The following LARP4B variants were observed in gnomAD, a reference collection of about 807,000 sequenced individuals.
LARP4B encodes the protein la-related protein 4B.
A neutral mutation model predicts 89.8 loss-of-function variants in LARP4B; 12 were observed. The observed-to-expected ratio is 0.13, with a 90% CI of 0.09 to 0.22. The LOEUF is 0.22. LARP4B is among the 10% of genes least tolerant of loss of function. LARP4B has a pLI of 1.00. For synonymous variants in LARP4B, 367 were observed against 363.3 expected, an observed-to-expected ratio of 1.01 and a Z score of -0.12; for missense variants, 757 against 947.7, an observed-to-expected ratio of 0.80 and a Z score of 2.64.
chr10:870,742 C>G (rs931773249), intron 3 of LARP4B, among the ~76,000 whole-genome samples: 33 of 152,298 alleles, frequency 2.2e-4, no homozygotes, highest in African/African-American at 7.7e-4. Context: ...TTGGTTTACT[C>G]AACCCTGATG....
Position 862,774 on chromosome 10 carries a change from A to G in LARP4B, c.430+969T>C, listed in dbSNP as rs80195775. On this transcript the variant is annotated intron_variant, in intron 5 of 17. Transcript: ENST00000316157. ...CTCCGTCTCAAAAAAAAAAAATGAA[A>G]ACATGAAAAAGTTCCTGCATTTCCA... is the stretch of plus-strand genomic sequence containing the variant. Among the ~76,000 whole-genome samples the G allele has an allele frequency of 3.9e-3, 600 of 152,156 alleles. 7 individuals carry two copies. The highest frequency in any genetic ancestry group is 0.013 in the African/African-American group (550 of 41,500).
chr10:855,796 A>AAGCACAATGAAGAGT (rs1261876747), intron 5 of LARP4B, among the ~76,000 whole-genome samples: 3 of 152,350 alleles, frequency 2.0e-5, no homozygotes, highest in Non-Finnish European at 1.5e-5. Context: ...GGTAGCTGCA[A>AAGCACAATGAAGAGT]AGCACAATGA....
chr10:981,926 CTT>C, the LARP4B span, among the ~76,000 whole-genome samples: 3 of 152,046 alleles, frequency 2.0e-5, no homozygotes, highest in Non-Finnish European at 2.9e-5. Flanking sequence ...AGAAATGGCA[CTT>C]GTTTTAAAAT....
At chr10:874,296 T>C (rs1236265733) in intron 3 of LARP4B, among the ~76,000 whole-genome samples, 1 of 152,156 alleles carries the variant, frequency 6.6e-6, no homozygotes. Flanking sequence ...TTCAAGTTAA[T>C]GATGCTGCAT....
intron 1 of LARP4B, among the ~76,000 whole-genome samples, chr10:897,357 C>T (rs1836216693): frequency 6.6e-6 from 1 of 152,144 alleles, no homozygotes; most frequent in South Asian, 2.1e-4. Flanking sequence ...CCTACCTCAA[C>T]ATACACAAAA....
At position 825,842 on chromosome 10, in the gene LARP4B, A is replaced by C. The variant is rs1262493777; in HGVS notation, c.1154T>G (p.Ile385Arg). The change falls in exon 12 of 18, where the codon ATA (isoleucine) becomes AGA (arginine). Residue 385 changes from isoleucine to arginine, a missense_variant. Physicochemically the swap from Ile to Arg is moderately conservative, Grantham distance 97. Coordinates refer to ENST00000316157, the MANE Select transcript of LARP4B (RefSeq NM_015155.3). ...GAACGCTGGAGACGTAAACCCATTT[A>C]TAAATCCAGTATTTGGAAATGGAGT... is the stretch of plus-strand genomic sequence containing the variant. ...LVTPFPNTGF[I>R]NGFTSPAFKP... 1 of 1,612,524 alleles carries C rather than the reference A, an allele frequency of 6.2e-7. No homozygotes were observed. The highest frequency in any genetic ancestry group is 1.7e-5 in the Admixed American group (1 of 59,942).
chr10:853,194 T>C (rs1182369735), intron 5 of LARP4B, among the ~76,000 whole-genome samples: 1 of 152,214 alleles, frequency 6.6e-6, no homozygotes, highest in Non-Finnish European at 1.5e-5. Flanking sequence ...TTATTAACAG[T>C]ACAGGCATAC....
chr10:867,319 T>A (rs923643708), intron 3 of LARP4B, among the ~76,000 whole-genome samples: 1 of 152,214 alleles, frequency 6.6e-6, no homozygotes, highest in African/African-American at 2.4e-5. Flanking sequence ...CGTTATTCAC[T>A]GGACTCATTT....
At chr10:844,851 G>T in intron 6 of LARP4B, 126 bp downstream of exon 6, 1 of 579,398 alleles carries the variant, frequency 1.7e-6, no homozygotes, top group Non-Finnish European at 2.9e-6. Flanking sequence ...AATATTCCAC[G>T]TCTTCATATA....
At chr10:829,874 T>C (rs2131661120) in intron 9 of LARP4B, 140 bp from the exon 10 acceptor site, 1 of 645,524 alleles carries the variant, frequency 1.5e-6, no homozygotes, top group South Asian at 1.9e-5. Context: ...TTCTTGACAC[T>C]CCCTGGGTCA....
At chr10:960,870 T>G in the LARP4B span, among the ~76,000 whole-genome samples, 1 of 152,164 alleles carries the variant, frequency 6.6e-6, no homozygotes, top group African/African-American at 2.4e-5. Flanking sequence ...ATCATTTATA[T>G]TCTCAGAACA....
At chr10:965,026 G>A in the LARP4B span, among the ~76,000 whole-genome samples, 10 of 152,234 alleles carry the variant, frequency 6.6e-5, no homozygotes, top group Non-Finnish European at 7.3e-5. Context: ...TGCCTTGCAC[G>A]CTGAGGCCCG....
In LARP4B at chr10:847,703, G is replaced by T. The variant is rs552195490; in HGVS notation, c.431-2648C>A. Among the ~76,000 whole-genome samples, 3 of 151,852 alleles carry T rather than the reference G, an allele frequency of 2.0e-5. No individual in the cohort carries two copies. The East Asian group carries it at 5.8e-4, about 29-fold the overall frequency. On this transcript the variant is annotated intron_variant, in intron 5 of 17. Coordinates refer to ENST00000316157, the MANE Select transcript of LARP4B (RefSeq NM_015155.3). The stretch of plus-strand genomic sequence containing the variant: ...CACCAGGCCCAGCTAATTTTTTTTG[G>T]TATTTTTAGTAGAGACAGGGTTTCA...
intron 3 of LARP4B, among the ~76,000 whole-genome samples, chr10:880,601 G>T (rs899187785): frequency 6.6e-6 from 1 of 152,090 alleles, no homozygotes; most frequent in African/African-American, 2.4e-5. Context: ...CACAAGAATA[G>T]CTTGAACCCG....
At chr10:926,347 T>TA (rs1383378328) in intron 1 of LARP4B, among the ~76,000 whole-genome samples, 1 of 152,192 alleles carries the variant, frequency 6.6e-6, no homozygotes, top group African/African-American at 2.4e-5. Context: ...GCTAAGTAAA[T>TA]ATTTTAAAAA....
chr10:810,826 A>G lies in LARP4B; in HGVS notation c.*2100T>C, dbSNP rs1219840235. The stretch of plus-strand genomic sequence containing the variant: ...GGTCAGTGAACTGACAACTACAAAA[A>G]AAAATCCCCATGTTCTTTAAAATGC... On this transcript the variant is annotated 3_prime_UTR_variant, in exon 18 of 18. Coordinates refer to ENST00000316157, the MANE Select transcript of LARP4B (RefSeq NM_015155.3). 6 of 152,162 alleles carry G rather than the reference A, an allele frequency of 3.9e-5. No homozygotes were observed. In the East Asian group the frequency reaches 1.2e-3, roughly 29 times the overall value. The allele number at this position is 152,162 out of a possible 1,614,324, so 9.4% of individuals were successfully genotyped here. A position where few individuals can be genotyped will look rare whatever the true frequency, so the allele number is the denominator to read the frequency against.
chr10:822,479 T>G lies in LARP4B; in HGVS notation c.1485-1634A>C, dbSNP rs1485892723. ...TGCCTGCCATGGGGTCCTATCCCAG[T>G]CACCATCAGTGGGCCCAGCCAACAC... On this transcript the variant is annotated intron_variant, in intron 13 of 17. Transcript: ENST00000316157. This position sits in a 1 kb window ranked among gnomAD's most constrained non-coding sequence, Gnocchi z 4.6. 6.6e-6 allele frequency among the ~76,000 whole-genome samples: 1 copy of G among 152,084 alleles called. No individual in the cohort carries two copies. Among genetic ancestry groups the G allele is most frequent in the African/African-American group, 2.4e-5 (1 of 41,404 alleles).
chr10:949,602 G>A, the LARP4B span, among the ~76,000 whole-genome samples: 1 of 152,076 alleles, frequency 6.6e-6, no homozygotes, highest in African/African-American at 2.4e-5. Flanking sequence ...CCTCACCCAC[G>A]TGCCGCTGCA....
the LARP4B span, among the ~76,000 whole-genome samples, chr10:960,384 C>T: frequency 2.8e-4 from 43 of 152,116 alleles, no homozygotes; most frequent in Non-Finnish European, 5.0e-4. Flanking sequence ...GTGTAAACTG[C>T]GGACTAAGAA....
Sources: allele counts gnomAD v4.1 joint callset (sites outside exome capture counted in the v4.1 genomes callset), GRCh38; gene constraint gnomAD v4.1.1; non-coding constraint Gnocchi (gnomAD v3.1); transcripts MANE v1.5; gene names NCBI Gene and HGNC (gene_info 2026-07-23, HGNC 2026-07-21).